GPHN: variants seen among roughly 807,000 people sequenced by gnomAD.
GPHN encodes the protein gephyrin.
In GPHN, 17 loss-of-function variants were observed where a neutral mutation model predicts 95.5. The observed-to-expected ratio is 0.18, with a 90% CI of 0.12 to 0.27. GPHN has a LOEUF of 0.27. GPHN is among the 10% of genes least tolerant of loss of function. The pLI is 1.00. For synonymous variants in GPHN, 320 were observed against 322.5 expected, an observed-to-expected ratio of 0.99 and a Z score of 0.08; for missense variants, 660 against 978.1, an observed-to-expected ratio of 0.67 and a Z score of 4.34.
At chr14:67,174,866 T>G (rs1474323403) in intron 21 of GPHN, among the ~76,000 whole-genome samples, 1 of 152,218 alleles carries the variant, frequency 6.6e-6, no homozygotes, top group Non-Finnish European at 1.5e-5. Flanking sequence ...CTATTGGCTG[T>G]AATAAATACC....
At chr14:66,763,139 C>T (rs1414498610) in intron 2 of GPHN, among the ~76,000 whole-genome samples, 1 of 151,828 alleles carries the variant, frequency 6.6e-6, no homozygotes, top group African/African-American at 2.4e-5. Context: ...TCTGTGAATT[C>T]AAACAACTGC....
At chr14:66,575,607 A>G (rs1192294348) in intron 1 of GPHN, among the ~76,000 whole-genome samples, 1 of 152,176 alleles carries the variant, frequency 6.6e-6, no homozygotes, top group Non-Finnish European at 1.5e-5. Context: ...GCAGTTTGTC[A>G]GGCCTGGTGC....
chr14:67,508,900 T>C, the GPHN span, among the ~76,000 whole-genome samples: 8 of 152,210 alleles, frequency 5.3e-5, no homozygotes, highest in Admixed American at 5.2e-4. Flanking sequence ...ATGTTTGCTG[T>C]ACTTTGCTCA....
At chr14:67,129,464 T>C (rs1283724447) in intron 17 of GPHN, among the ~76,000 whole-genome samples, 1 of 152,218 alleles carries the variant, frequency 6.6e-6, no homozygotes, top group Non-Finnish European at 1.5e-5. Flanking sequence ...CAAAAGATTA[T>C]AGAAAACATA....
intron 9 of GPHN, among the ~76,000 whole-genome samples, chr14:67,008,342 G>T (rs1450492804): frequency 6.6e-6 from 1 of 151,636 alleles, no homozygotes; most frequent in Non-Finnish European, 1.5e-5. Context: ...TGTAATCCCA[G>T]CTACTCAGGA....
At chr14:67,578,083 C>T in the GPHN span, 1 of 1,613,862 alleles carries the variant, frequency 6.2e-7, no homozygotes, top group Non-Finnish European at 8.5e-7. This position sits in a 1 kb window ranked among gnomAD's most constrained non-coding sequence, Gnocchi z 5.0. Context: ...CCATGTGTCC[C>T]TGGCCCAGAC....
chr14:66,538,781 G>GT (rs11390341), intron 1 of GPHN, among the ~76,000 whole-genome samples: 34,093 of 129,966 alleles, frequency 0.26, 5,703 homozygotes, highest in East Asian at 0.47. Context: ...ATTTTTTCTT[G>GT]TTTTTTTTTT....
the GPHN span, chr14:67,386,557 CTGG>C: frequency 6.6e-6 from 1 of 152,330 alleles, no homozygotes; most frequent in Non-Finnish European, 1.5e-5. Context: ...AACCTTCCAA[CTGG>C]TGAAGTTTCT....
the GPHN span, among the ~76,000 whole-genome samples, chr14:67,455,545 C>T: frequency 6.6e-6 from 1 of 152,174 alleles, no homozygotes; most frequent in Admixed American, 6.5e-5. Context: ...ATTCTCATCT[C>T]TCCTATGGAT....
intron 2 of GPHN, among the ~76,000 whole-genome samples, chr14:66,758,389 C>T (rs1219572096): frequency 2.0e-5 from 3 of 152,148 alleles, no homozygotes; most frequent in South Asian, 2.1e-4. Flanking sequence ...GGAATGAAGA[C>T]GATCTTAACT....
At chr14:67,053,796 G>A (rs1235487488) in intron 10 of GPHN, among the ~76,000 whole-genome samples, 1 of 152,138 alleles carries the variant, frequency 6.6e-6, no homozygotes, top group Non-Finnish European at 1.5e-5. Context: ...CAAGATACAA[G>A]GCTGGTTCAA....
chr14:67,589,142 G>A, the GPHN span: 5 of 156,702 alleles, frequency 3.2e-5, no homozygotes, highest in African/African-American at 4.8e-5. Context: ...TCTACCCAGA[G>A]AGTTTAGAAG....
chr14:67,117,963 A>G (rs147981500), intron 16 of GPHN, among the ~76,000 whole-genome samples: 10 of 152,278 alleles, frequency 6.6e-5, no homozygotes, highest in African/African-American at 2.4e-4. Flanking sequence ...GGATTTTCAT[A>G]ATACCAAAAT....
chr14:67,077,529 C>G (rs2076543453), intron 11 of GPHN, among the ~76,000 whole-genome samples: 1 of 152,046 alleles, frequency 6.6e-6, no homozygotes, highest in African/African-American at 2.4e-5. Context: ...ATTAATTTTC[C>G]CCTTTAGAGA....
chr14:66,535,081 C>T (rs1194639667), intron 1 of GPHN, among the ~76,000 whole-genome samples: 1 of 151,962 alleles, frequency 6.6e-6, no homozygotes, highest in African/African-American at 2.4e-5. Context: ...AAATATTCTC[C>T]AAAGTTTTCT....
At chr14:67,187,849 C>G in the GPHN span, among the ~76,000 whole-genome samples, 1 of 152,136 alleles carries the variant, frequency 6.6e-6, no homozygotes, top group African/African-American at 2.4e-5. Flanking sequence ...GACTAAGTAC[C>G]CTTCATCTGT....
intron 4 of GPHN, among the ~76,000 whole-genome samples, chr14:66,869,353 A>T (rs182944834): frequency 2.0e-5 from 3 of 152,322 alleles, no homozygotes; most frequent in Admixed American, 2.0e-4. Flanking sequence ...AGATTTTCTA[A>T]TAAACAGGTA....
intron 18 of GPHN, among the ~76,000 whole-genome samples, chr14:67,144,730 T>C (rs2080796808): frequency 6.6e-6 from 1 of 152,234 alleles, no homozygotes. Flanking sequence ...CCTGACTCTT[T>C]GGACAGTGAA....
chr14:66,986,853 C>T (rs900836178), intron 9 of GPHN, among the ~76,000 whole-genome samples: 1 of 152,088 alleles, frequency 6.6e-6, no homozygotes, highest in African/African-American at 2.4e-5. Flanking sequence ...GCACTCTTTC[C>T]TCTCCTTGCC....
Sources: gnomAD v4.1 joint callset for allele counts (sites outside exome capture counted in the v4.1 genomes callset) on GRCh38, gnomAD v4.1.1 for gene constraint, Gnocchi (gnomAD v3.1) non-coding constraint, MANE v1.5 for transcripts, NCBI Gene and HGNC (gene_info 2026-07-23, HGNC 2026-07-21) for gene names.